Variants in MTCL1 observed in about 807,000 individuals in gnomAD.
MTCL1 encodes microtubule crosslinking factor 1.
MTCL1 carries 79 observed loss-of-function variants against 141.4 expected under a neutral mutation model. The observed-to-expected ratio is 0.56, with a 90% CI of 0.47 to 0.67. The LOEUF (loss-of-function observed/expected upper bound fraction) is 0.67, where lower values mean the gene tolerates loss of function less well. Among genes scored for constraint, MTCL1 ranks in the 30% least tolerant of loss-of-function variants. MTCL1 has a pLI of 0.00. For missense variants in MTCL1, 2,177 were observed against 2,113.9 expected (o/e 1.03, Z -0.59); for synonymous variants, 914 against 875.8 (o/e 1.04, Z -0.77).
chr18:8,707,929 G>C (rs546994035), intron 1 of MTCL1, among the ~76,000 whole-genome samples: 3 of 152,202 alleles, frequency 2.0e-5, no homozygotes, highest in Admixed American at 6.5e-5. Flanking sequence ...GAGCCTTGTG[G>C]TTATTTTACT....
chr18:8,715,275 C>G (rs574302989), upstream of MTCL1, among the ~76,000 whole-genome samples: 2 of 152,174 alleles, frequency 1.3e-5, no homozygotes, highest in African/African-American at 2.4e-5. Flanking sequence ...GATGTGGGCT[C>G]TCCAGTTGCA....
exon 9 of MTCL1, chr18:8,796,244 C>T: frequency 6.2e-7 from 1 of 1,614,122 alleles, no homozygotes. Context: ...GGAGGAGGAG[C>T]ACCTCTATGC....
At position 8,789,389 on chromosome 18, in the gene MTCL1, A is replaced by G. The variant is rs150732256; in HGVS notation, c.1887+3298A>G. The G allele has an allele frequency of 3.6e-5, 35 of 983,666 alleles. No homozygotes were observed. The African/African-American group carries it at 5.6e-4, about 16-fold the overall frequency. 60.9% of individuals were successfully genotyped at this position (983,666 alleles called of 1,614,324 possible). ...GGTGATGGAATTGTCCTAATAGAGG[A>G]GTAGCATTGCTAGGCACTCTAGTGA... is the stretch of plus-strand genomic sequence containing the variant. On this transcript the variant is annotated intron_variant, in intron 7 of 16. Transcript: ENST00000359865.
intron 4 of MTCL1, among the ~76,000 whole-genome samples, chr18:8,734,473 A>G (rs564942955): frequency 1.4e-4 from 22 of 152,036 alleles, no homozygotes; most frequent in Non-Finnish European, 7.4e-5. Context: ...TTGGCTCATT[A>G]TGTATTTTCT....
chr18:8,805,951 G>A (rs2076283825), intron 10 of MTCL1, among the ~76,000 whole-genome samples: 1 of 152,204 alleles, frequency 6.6e-6, no homozygotes, highest in African/African-American at 2.4e-5. Flanking sequence ...AGAAATCATG[G>A]CTTTGAAATT....
At chr18:8,745,731 G>T (rs1418225173) in intron 4 of MTCL1, among the ~76,000 whole-genome samples, 2 of 152,106 alleles carry the variant, frequency 1.3e-5, no homozygotes, top group Non-Finnish European at 2.9e-5. Context: ...TTTAACTGTG[G>T]TAAAACATAC....
chr18:8,832,042 C>T (rs927724866), exon 17 of MTCL1: 27 of 569,758 alleles, frequency 4.7e-5, no homozygotes, highest in African/African-American at 4.5e-4. Context: ...TTTTTGTCTC[C>T]ATCTTTTTTA....
upstream of MTCL1, among the ~76,000 whole-genome samples, chr18:8,713,108 C>G (rs2096104626): frequency 6.6e-6 from 1 of 152,134 alleles, no homozygotes; most frequent in Non-Finnish European, 1.5e-5. Flanking sequence ...CTAGTGCACA[C>G]CTGGTACCTC....
At chr18:8,753,140 A>G (rs748684805) in intron 4 of MTCL1, among the ~76,000 whole-genome samples, 6 of 152,228 alleles carry the variant, frequency 3.9e-5, no homozygotes, top group Admixed American at 2.0e-4. Context: ...CTTCATGCAC[A>G]TTCATACCTG....
At chr18:8,773,409 CGTTT>C (rs1448579373) in intron 4 of MTCL1, among the ~76,000 whole-genome samples, 2 of 152,012 alleles carry the variant, frequency 1.3e-5, no homozygotes, top group African/African-American at 2.4e-5. Flanking sequence ...GTTTATTGGC[CGTTT>C]GTTTATTTTA....
chr18:8,829,757 C>T (rs1283160101), intron 16 of MTCL1: 23 of 985,148 alleles, frequency 2.3e-5, no homozygotes, highest in South Asian at 9.4e-5. Context: ...TTCCCAGAAA[C>T]GTGCTACAGG....
At chr18:8,798,211 C>G in exon 10 of MTCL1, 1 of 1,599,182 alleles carries the variant, frequency 6.3e-7, no homozygotes, top group South Asian at 1.1e-5. Context: ...AGTGGGGGAG[C>G]ACTCCCCACA....
At chr18:8,783,420 G>A (rs887831839) in intron 5 of MTCL1, 110 bp from the exon 5 acceptor site, 26 of 999,144 alleles carry the variant, frequency 2.6e-5, no homozygotes, top group Middle Eastern at 3.3e-4. Flanking sequence ...TGGGAAGATC[G>A]GTGTTTGATG....
chr18:8,820,391 C>T (rs2076806470), intron 13 of MTCL1, among the ~76,000 whole-genome samples: 1 of 151,812 alleles, frequency 6.6e-6, no homozygotes, highest in South Asian at 2.1e-4. Context: ...GCCTGGGCGA[C>T]AGAGCAAGAC....
At chr18:8,759,586 A>G (rs111844328) in intron 4 of MTCL1, among the ~76,000 whole-genome samples, 4 of 152,324 alleles carry the variant, frequency 2.6e-5, no homozygotes, top group African/African-American at 9.6e-5. Flanking sequence ...CACAACCCAA[A>G]AACAATCTTA....
rs2143868509 is a variant in MTCL1, at chr18:8,796,337, C to G, written c.2116C>G (p.Leu706Val). The stretch of plus-strand genomic sequence containing the variant: ...GCGAACCTGGAGTGATGAGAAGAAT[C>G]TGATGCAGCAGGAGCTCCGGTCCTT... The change falls in exon 9 of 17, where the codon CTG becomes GTG. Residue 706 changes from leucine (L) to valine (V), a missense_variant. Coordinates refer to ENST00000359865, the Ensembl canonical transcript of MTCL1. The G allele has an allele frequency of 1.9e-6, 3 of 1,614,208 alleles. No individual in the cohort carries two copies. In the South Asian group the frequency reaches 3.3e-5, roughly 18 times the overall value.
Position 8,820,952 on chromosome 18 carries a change from T to A in MTCL1, c.3157-515T>A, listed in dbSNP as rs554509768. On this transcript the variant is annotated intron_variant, in intron 13 of 16. Coordinates refer to ENST00000359865, the Ensembl canonical transcript of MTCL1. ...GAAGGCACTGTACTTTGCCTCTGAT[T>A]CTAAATGGGAATGTTTAAAACCAAC... 1.1e-4 allele frequency among the ~76,000 whole-genome samples: 16 copies of A among 152,286 alleles called. No individual in the cohort carries two copies. In the South Asian group the frequency reaches 2.1e-3, roughly 20 times the overall value.
At chr18:8,763,192 G>C (rs577554727) in intron 4 of MTCL1, among the ~76,000 whole-genome samples, 1 of 152,306 alleles carries the variant, frequency 6.6e-6, no homozygotes, top group African/African-American at 2.4e-5. Context: ...TCAGTTATGT[G>C]CAAGAAAACA....
intron 15 of MTCL1, 52 bp downstream of exon 14, chr18:8,826,284 C>A: frequency 6.9e-7 from 1 of 1,443,078 alleles, no homozygotes; most frequent in South Asian, 1.4e-5. Context: ...TTCCCTTTAG[C>A]TGTGGGGCAG....
Sources: gnomAD v4.1 joint callset for allele counts (sites outside exome capture counted in the v4.1 genomes callset) on GRCh38, gnomAD v4.1.1 for gene constraint, MANE v1.5 for transcripts, NCBI Gene and HGNC (gene_info 2026-07-23, HGNC 2026-07-21) for gene names.